The following MCRS1 variants were observed in gnomAD, a reference collection of about 807,000 sequenced individuals.
The protein encoded by MCRS1 is microspherule protein 1, also known as 58 kDa microspherule protein.
In MCRS1, 22 loss-of-function variants were observed where a neutral mutation model predicts 62.9. The ratio of observed to expected loss-of-function variants is 0.35; its 90% CI spans 0.25 to 0.50. The LOEUF (loss-of-function observed/expected upper bound fraction) is 0.50. Among genes scored for constraint, MCRS1 ranks in the 20% least tolerant of loss-of-function variants. The pLI, the probability that MCRS1 is intolerant of heterozygous loss-of-function variation, is 0.98. For synonymous variants in MCRS1, 244 were observed against 233.5 expected, an observed-to-expected ratio of 1.04 and a Z score of -0.41; for missense variants, 456 against 601.1, an observed-to-expected ratio of 0.76 and a Z score of 2.52.
chr12:49,560,543 A>T (rs930659270), intron 8 of MCRS1, among the ~76,000 whole-genome samples, 173 bp from the exon 9 acceptor site: 2 of 152,190 alleles, frequency 1.3e-5, no homozygotes, highest in African/African-American at 4.8e-5. Flanking sequence ...AAGCATCTTT[A>T]GGCTTAGTTG....
At chr12:49,563,382 G>T in intron 7 of MCRS1, 56 bp downstream of exon 7, 1 of 1,525,362 alleles carries the variant, frequency 6.6e-7, no homozygotes, top group Non-Finnish European at 9.0e-7. Context: ...TGGTTTTCTA[G>T]GTGGTCCAGC....
chr12:49,559,092 C>G lies in MCRS1; in HGVS notation c.1174+122G>C. 8 of 1,536,070 alleles carry G rather than the reference C, an allele frequency of 5.2e-6. No homozygotes were observed. The highest frequency in any genetic ancestry group is 7.2e-6 in the Non-Finnish European group (8 of 1,118,756). ...CTGCTTCCTGCAGACACCAAGGAAT[C>G]CCTGCCTCAGGTGGTCCACGAGGGT... On this transcript the variant is annotated intron_variant, in intron 13 of 14. Coordinates refer to ENST00000343810, the MANE Select transcript of MCRS1 (RefSeq NM_006337.5). This position sits in a 1 kb window ranked among gnomAD's most constrained non-coding sequence, Gnocchi z 5.2.
chr12:49,560,157 T>C lies in MCRS1; in HGVS notation c.881+138A>G, dbSNP rs916072093. The C allele has an allele frequency of 1.9e-5, 22 of 1,182,308 alleles. No homozygotes were observed. In the African/African-American group the frequency reaches 3.2e-4, roughly 17 times the overall value. 73.2% of individuals were successfully genotyped at this position (1,182,308 alleles called of 1,614,324 possible). ...GCAGCGGAGCCTAAGAAGGCCCCAG[T>C]GGGAGGGGAGGGGGCTCAGCCAGGG... is the stretch of plus-strand genomic sequence containing the variant. On this transcript the variant is annotated intron_variant, in intron 9 of 14. Transcript: ENST00000343810.
intron 6 of MCRS1, among the ~76,000 whole-genome samples, chr12:49,564,073 G>A (rs1230359006): frequency 2.0e-5 from 3 of 152,178 alleles, no homozygotes; most frequent in Non-Finnish European, 2.9e-5. Flanking sequence ...GGAGCTAGAA[G>A]GGGGCTTGGT....
At chr12:49,567,843 C>A (rs1427889394) in intron 1 of MCRS1, 1 of 152,274 alleles carries the variant, frequency 6.6e-6, no homozygotes, top group Admixed American at 6.5e-5. Flanking sequence ...CCCATTCTCA[C>A]CCCACGGTCT....
Position 49,559,469 on chromosome 12 carries a change from A to G in MCRS1, c.1070T>C (p.Leu357Pro). The change falls in exon 12 of 15, where the codon CTG (leucine) becomes CCG (proline). Residue 357 changes from leucine (L) to proline (P), a missense_variant. Coordinates refer to ENST00000343810, the MANE Select transcript of MCRS1 (RefSeq NM_006337.5). This position sits in a 1 kb window ranked among gnomAD's most constrained non-coding sequence, Gnocchi z 5.2. The part of the protein sequence containing the change: ...AVLRGRMVRY[L>P]MRSREITLGR... ...CTGCCTCACCTCACGCGAGCGCATC[A>G]GGTACCGCACCATGCGGCCCCGCAG... 6.2e-7 allele frequency: 1 copy of G among 1,613,718 alleles called. No homozygotes were observed. Among genetic ancestry groups the G allele is most frequent in the Non-Finnish European group, 8.5e-7 (1 of 1,180,024 alleles).
At position 49,566,145 on chromosome 12, in the gene MCRS1, T is replaced by A; in HGVS notation, c.81A>T (p.Ser27=). ...GTASRSEDEE[S]LAGQKRASSQ... ...AGGAGGCTCGCTTCTGCCCTGCCAG[T>A]GACTCCTCATCCTCTGAGCGGCTGG... Residue 27 remains serine (S), a synonymous_variant, in exon 3 of 15, where the codon TCA becomes TCT. Transcript: ENST00000343810. The A allele has an allele frequency of 6.2e-7, 1 of 1,614,218 alleles. No homozygotes were observed. The highest frequency in any genetic ancestry group is 8.5e-7 in the Non-Finnish European group (1 of 1,180,022).
At position 49,566,094 on chromosome 12, in the gene MCRS1, TTTAGGGA is replaced by T; in HGVS notation, c.125_131del (p.Ile42AsnfsTer76). The T allele has an allele frequency of 6.2e-7, 1 of 1,614,140 alleles. No homozygotes were observed. Among genetic ancestry groups the T allele is most frequent in the Non-Finnish European group, 8.5e-7 (1 of 1,179,986 alleles). On this transcript the variant is annotated frameshift_variant, in exon 3 of 15. Transcript: ENST00000343810. LOFTEE classifies it high-confidence loss of function. ...CTTACTACCTGGAGGAGCTTCTCCGTTTAGGGATGGTGCCCAAGGCCTGGGAGGAGGC... is the reference window on the plus strand; with the variant it reads ...CTTACTACCTGGAGGAGCTTCTCCGTTGGTGCCCAAGGCCTGGGAGGAGGC...
At chr12:49,564,676 T>C (rs1938958901) in intron 5 of MCRS1, 61 bp downstream of exon 5, 5 of 1,603,556 alleles carry the variant, frequency 3.1e-6, no homozygotes, top group East Asian at 2.2e-5. Context: ...TGGGCTAATT[T>C]TGGGGTGCGA....
At chr12:49,566,024 C>T (rs999720095) in intron 3 of MCRS1, 53 bp downstream of exon 3, 13 of 1,572,736 alleles carry the variant, frequency 8.3e-6, no homozygotes, top group South Asian at 8.2e-5. Context: ...TGGCACTTAA[C>T]GCCACAGACC....
At position 49,559,870 on chromosome 12, in the gene MCRS1, C is replaced by T; in HGVS notation, c.911-49G>A. 6.2e-7 allele frequency: 1 copy of T among 1,614,096 alleles called. No homozygotes were observed. The highest frequency in any genetic ancestry group is 8.5e-7 in the Non-Finnish European group (1 of 1,179,928). On this transcript the variant is annotated intron_variant, in intron 10 of 14. Coordinates refer to ENST00000343810, the MANE Select transcript of MCRS1 (RefSeq NM_006337.5). This position sits in a 1 kb window ranked among gnomAD's most constrained non-coding sequence, Gnocchi z 5.2. ...GAGGGATGCTCTGAGGCCACCAGCA[C>T]CTTGTACTGGTCCTCTTGATTCTGG...
chr12:49,565,692 C>T (rs779158999), intron 3 of MCRS1, 25 bp from the exon 4 acceptor site: 3 of 1,614,054 alleles, frequency 1.9e-6, no homozygotes, highest in South Asian at 2.2e-5. Flanking sequence ...GCCCAGTGAA[C>T]ACTCCTTACC....
At chr12:49,565,452 T>G in intron 4 of MCRS1, 77 bp downstream of exon 4, 1 of 1,533,870 alleles carries the variant, frequency 6.5e-7, no homozygotes, top group Non-Finnish European at 8.7e-7. Flanking sequence ...TGCAGGGCTC[T>G]TGGCAGCTGG....
intron 6 of MCRS1, among the ~76,000 whole-genome samples, chr12:49,563,776 T>G (rs1010542579): frequency 2.0e-5 from 3 of 152,120 alleles, no homozygotes; most frequent in African/African-American, 7.2e-5. Flanking sequence ...TCAGACCCAG[T>G]CCTTCCTGAG....
At position 49,564,684 on chromosome 12, in the gene MCRS1, C is replaced by T. The variant is rs745904292; in HGVS notation, c.447+53G>A. ...GCCCTGTTGGGCTAATTTTGGGGTG[C>T]GAACTGGAGGTTGGGGGAAAGGGGC... is the stretch of plus-strand genomic sequence containing the variant. On this transcript the variant is annotated intron_variant, in intron 5 of 14. Transcript: ENST00000343810. 53 of 1,601,078 alleles carry T rather than the reference C, an allele frequency of 3.3e-5. 1 individual carries two copies. The highest frequency in any genetic ancestry group is 2.9e-4 in the Admixed American group (17 of 59,466).
At chr12:49,565,860 C>T (rs1939030908) in intron 3 of MCRS1, among the ~76,000 whole-genome samples, 193 bp from the exon 4 acceptor site, 1 of 152,180 alleles carries the variant, frequency 6.6e-6, no homozygotes, top group Non-Finnish European at 1.5e-5. Context: ...GGTATCACAC[C>T]ACAAAGACTT....
intron 6 of MCRS1, among the ~76,000 whole-genome samples, chr12:49,563,868 A>T (rs1488943316): frequency 6.6e-6 from 1 of 152,038 alleles, no homozygotes; most frequent in Non-Finnish European, 1.5e-5. Flanking sequence ...GCCACTGCCT[A>T]CCACCTCCCC....
In MCRS1 at chr12:49,559,644, G is replaced by T. The variant is rs1453280486; in HGVS notation, c.1003+85C>A. The T allele has an allele frequency of 1.0e-5, 16 of 1,590,140 alleles. No homozygotes were observed. The highest frequency in any genetic ancestry group is 1.4e-5 in the Non-Finnish European group (16 of 1,161,538). ...GGGGGTCGGGGCCTGGGAAACGAGG[G>T]TCTCCCCAGCCAGGCAGCAACAGGG... is the stretch of plus-strand genomic sequence containing the variant. On this transcript the variant is annotated intron_variant, in intron 11 of 14. Transcript: ENST00000343810. The surrounding 1 kb of genome is among the most constrained non-coding windows in gnomAD (Gnocchi z 5.2).
chr12:49,565,429 C>A, intron 4 of MCRS1, 100 bp downstream of exon 4: 1 of 1,518,668 alleles, frequency 6.6e-7, no homozygotes, highest in South Asian at 1.3e-5. Flanking sequence ...TTGGTCCTCT[C>A]ACCAGCCTGC....
Sources: allele counts gnomAD v4.1 joint callset (sites outside exome capture counted in the v4.1 genomes callset), GRCh38; gene constraint gnomAD v4.1.1; non-coding constraint Gnocchi (gnomAD v3.1); transcripts MANE v1.5; gene names NCBI Gene and HGNC (gene_info 2026-07-23, HGNC 2026-07-21).